Variants in SYNE2 observed in about 807,000 individuals in gnomAD.
The protein encoded by SYNE2 is spectrin repeat containing nuclear envelope protein 2.
A neutral mutation model predicts 856.3 loss-of-function variants in SYNE2; 431 were observed. The ratio of observed to expected loss-of-function variants is 0.50; its 90% CI spans 0.47 to 0.55. The LOEUF is 0.55. SYNE2 is among the 20% of genes least tolerant of loss of function. SYNE2 has a pLI of 0.00. For missense variants in SYNE2, 8,129 were observed against 8,023.2 expected (o/e 1.01, Z -0.50); for synonymous variants, 2,923 against 2,872.3 (o/e 1.02, Z -0.56).
chr14:63,804,693 C>T (rs1888291782), intron 1 of SYNE2, among the ~76,000 whole-genome samples: 1 of 152,076 alleles, frequency 6.6e-6, no homozygotes, highest in Non-Finnish European at 1.5e-5. Flanking sequence ...GGCGTTTCTC[C>T]ATGTTGGTCA....
intron 1 of SYNE2, among the ~76,000 whole-genome samples, chr14:63,769,319 A>G (rs1281041129): frequency 6.6e-6 from 1 of 152,118 alleles, no homozygotes; most frequent in Non-Finnish European, 1.5e-5. Context: ...TCATGCCTGT[A>G]ATCCCAGCAC....
At chr14:64,082,027 A>G (rs1046648073) in intron 57 of SYNE2, among the ~76,000 whole-genome samples, 1 of 151,954 alleles carries the variant, frequency 6.6e-6, no homozygotes, top group Non-Finnish European at 1.5e-5. Flanking sequence ...CGGAGCTTGC[A>G]GTGAGCCGAG....
At chr14:63,947,665 G>A (rs552653789) in intron 6 of SYNE2, among the ~76,000 whole-genome samples, 16 of 152,020 alleles carry the variant, frequency 1.1e-4, no homozygotes, top group African/African-American at 3.4e-4. Context: ...GAGAAACCCC[G>A]TCTCCACTAA....
intron 1 of SYNE2, among the ~76,000 whole-genome samples, chr14:63,798,386 T>G (rs942097405): frequency 6.7e-6 from 1 of 148,400 alleles, no homozygotes; most frequent in African/African-American, 2.5e-5. Context: ...CTTAACTTGT[T>G]TTTTTTTTTT....
rs766798501 is a variant in SYNE2, at chr14:64,150,321, A to AAAAAAAAAG, written c.15640-2243_15640-2242insAAAAAAAAG. Among the ~76,000 whole-genome samples the AAAAAAAAAG allele has an allele frequency of 6.3e-3, 748 of 119,364 alleles. 65 individuals are homozygous for AAAAAAAAAG. Among genetic ancestry groups the AAAAAAAAAG allele is most frequent in the South Asian group, 0.012 (44 of 3,580 alleles). 78.3% of individuals were successfully genotyped at this position (119,364 alleles called of 152,430 possible). ...AAAAAAAAAAAAAAAAAAAAAAAAA[A>AAAAAAAAAG]GGATCCTCCCGCCTCAGCCTCTCAA... is the stretch of plus-strand genomic sequence containing the variant. On this transcript the variant is annotated intron_variant, in intron 84 of 115. Transcript: ENST00000555002.
Position 64,031,355 on chromosome 14 carries a change from A to G in SYNE2, c.7219A>G (p.Lys2407Glu). Reference protein sequence around the residue: ...EKLEEDWEINKDSAVEMAMSK... With the variant: ...EKLEEDWEINEDSAVEMAMSK... ...GTTGGAGGAAGACTGGGAAATAAAC[A>G]AGGTAAGTGCTTGTGATTGCACTTT... The change falls in exon 45 of 116, where the codon AAG (lysine) becomes GAG (glutamate). Residue 2407 changes from lysine (K) to glutamate (E), a missense_variant and splice_region_variant. By Grantham distance (56) the Lys-to-Glu change is moderately conservative. Transcript: ENST00000555002. 3 of 1,613,696 alleles carry G rather than the reference A, an allele frequency of 1.9e-6. No individual in the cohort carries two copies. Among genetic ancestry groups the G allele is most frequent in the Non-Finnish European group, 2.5e-6 (3 of 1,179,744 alleles).
chr14:64,218,372 G>T (rs372289297), intron 108 of SYNE2, 26 bp from the exon 109 acceptor site: 1 of 1,600,580 alleles, frequency 6.2e-7, no homozygotes. Flanking sequence ...TCTACAGATG[G>T]TAACTTAAAA....
intron 73 of SYNE2, among the ~76,000 whole-genome samples, chr14:64,127,503 A>T (rs1230083829): frequency 6.6e-6 from 1 of 152,202 alleles, no homozygotes; most frequent in Admixed American, 6.5e-5. Flanking sequence ...TTCTTGTATT[A>T]CATTTAGCCA....
chr14:64,118,707 A>G (rs2097872638), intron 66 of SYNE2, among the ~76,000 whole-genome samples: 1 of 152,028 alleles, frequency 6.6e-6, no homozygotes, highest in Non-Finnish European at 1.5e-5. Flanking sequence ...CTAAAAATAC[A>G]AAAATTAGCT....
chr14:63,927,669 G>A (rs537558130), intron 2 of SYNE2, among the ~76,000 whole-genome samples: 1 of 152,132 alleles, frequency 6.6e-6, no homozygotes, highest in African/African-American at 2.4e-5. Flanking sequence ...CGAGGAGGAC[G>A]GATCACGAGG....
Position 63,793,178 on chromosome 14 carries a change from C to T in SYNE2, c.-305+31192C>T, listed in dbSNP as rs1887795877. 2.0e-5 allele frequency among the ~76,000 whole-genome samples: 3 copies of T among 152,106 alleles called. No individual in the cohort carries two copies. The South Asian group carries it at 6.2e-4, about 32-fold the overall frequency. The stretch of plus-strand genomic sequence containing the variant: ...AGATTTGAGAGACTTCCTCTTGGCT[C>T]CCAGGAGGAGGAATTTCCTGATGTT... On this transcript the variant is annotated intron_variant, in intron 1 of 23. Transcript: ENST00000674003.
intron 6 of SYNE2, among the ~76,000 whole-genome samples, chr14:63,948,156 G>GACACACACAC (rs151256085): frequency 7.2e-4 from 90 of 124,410 alleles, no homozygotes; most frequent in African/African-American, 2.3e-3. Flanking sequence ...TACACACACA[G>GACACACACAC]ACACACACAT....
intron 2 of SYNE2, among the ~76,000 whole-genome samples, chr14:63,923,311 T>A (rs997867548): frequency 2.2e-4 from 34 of 152,204 alleles, no homozygotes; most frequent in Non-Finnish European, 4.4e-5. Context: ...AGTATAAGAC[T>A]GTCAGGTGTT....
chr14:64,030,935 A>C, intron 44 of SYNE2, 81 bp from the exon 45 acceptor site: 88 of 1,022,364 alleles, frequency 8.6e-5, no homozygotes, highest in Non-Finnish European at 1.2e-4. Context: ...TGGTGAAGCA[A>C]GAGTACTCTG....
chr14:64,161,641 T>G (rs961864433), intron 87 of SYNE2, among the ~76,000 whole-genome samples: 1 of 151,632 alleles, frequency 6.6e-6, no homozygotes, highest in Non-Finnish European at 1.5e-5. Flanking sequence ...ATCCCAACAC[T>G]TTGGGAGGCT....
chr14:64,129,738 G>T, intron 74 of SYNE2, 44 bp from the exon 75 acceptor site: 1 of 1,612,678 alleles, frequency 6.2e-7, no homozygotes, highest in South Asian at 1.1e-5. Flanking sequence ...GTACTTCTCT[G>T]ACTTACTGAA....
rs77828578 is a variant in SYNE2 at position 63,903,932 on chromosome 14, A to G, written c.-51-5166A>G. On this transcript the variant is annotated intron_variant, in intron 1 of 115. Transcript: ENST00000555002. ...GGTATATTGTAACCAGGTGGTGAGCATAGTACCCAATAGGTTGTTTTTCAA... is the reference window on the plus strand; with the variant it reads ...GGTATATTGTAACCAGGTGGTGAGCGTAGTACCCAATAGGTTGTTTTTCAA... 6.7e-3 allele frequency among the ~76,000 whole-genome samples: 1,012 copies of G among 152,070 alleles called. 5 individuals are homozygous for G. The highest frequency in any genetic ancestry group is 0.01 in the Non-Finnish European group (696 of 67,970).
chr14:64,039,935 G>T (rs1379382240), intron 45 of SYNE2, among the ~76,000 whole-genome samples: 1 of 152,124 alleles, frequency 6.6e-6, no homozygotes, highest in East Asian at 1.9e-4. Flanking sequence ...AGCCAGAGAA[G>T]GACTATGAAG....
At chr14:63,775,306 A>G (rs1263374999) in intron 1 of SYNE2, among the ~76,000 whole-genome samples, 1 of 150,672 alleles carries the variant, frequency 6.6e-6, no homozygotes, top group Non-Finnish European at 1.5e-5. Context: ...ATGGAGTCTC[A>G]CTCTGTTGCC....
Sources: allele counts gnomAD v4.1 joint callset (sites outside exome capture counted in the v4.1 genomes callset), GRCh38; gene constraint gnomAD v4.1.1; transcripts MANE v1.5; gene names NCBI Gene and HGNC (gene_info 2026-07-23, HGNC 2026-07-21).